Variants in PCDHGA3 observed in about 807,000 individuals in gnomAD.
The protein encoded by PCDHGA3 is protocadherin gamma subfamily A, 3, also known as protocadherin gamma-A3.
PCDHGA3 carries 40 observed loss-of-function variants against 58.5 expected under a neutral mutation model. That is an observed-to-expected ratio of 0.68 (90% confidence interval 0.53 to 0.89). PCDHGA3 has a LOEUF of 0.89. Ranked by LOEUF, PCDHGA3 falls within the 40% of genes least tolerant of loss-of-function variation. The pLI, the probability that PCDHGA3 is intolerant of heterozygous loss-of-function variation, is 0.00. For synonymous variants in PCDHGA3, 530 were observed against 525.7 expected (o/e 1.01, Z -0.11); for missense variants, 1,223 against 1,195.9 (o/e 1.02, Z -0.33).
chr5:141,356,553 T>C (rs987125260), intron 1 of PCDHGA3: 2 of 1,614,138 alleles, frequency 1.2e-6, no homozygotes, highest in Admixed American at 3.3e-5. Context: ...ACCCACCCAC[T>C]TTCCCTCATG....
At chr5:141,404,524 G>A (rs368795324) in intron 1 of PCDHGA3, 2 of 1,613,820 alleles carry the variant, frequency 1.2e-6, no homozygotes, top group African/African-American at 1.3e-5. Context: ...ACTATGAGCA[G>A]TTTAGAGATT....
At chr5:141,450,790 A>G (rs2098694056) in intron 1 of PCDHGA3, among the ~76,000 whole-genome samples, 1 of 148,832 alleles carries the variant, frequency 6.7e-6, no homozygotes, top group Admixed American at 6.7e-5. Context: ...CCCGGACCTC[A>G]TGATTGTATT....
intron 1 of PCDHGA3, chr5:141,417,532 TA>T (rs1457524771): frequency 6.7e-5 from 19 of 284,780 alleles, no homozygotes; most frequent in South Asian, 1.5e-4. Context: ...ACTCGTAGTT[TA>T]AAAAAAATTC....
At chr5:141,395,094 G>T (rs192995605) in intron 1 of PCDHGA3, 4 of 1,614,042 alleles carry the variant, frequency 2.5e-6, no homozygotes, top group Non-Finnish European at 3.4e-6. Flanking sequence ...CTCCCTCACC[G>T]CCGACTCGCG....
chr5:141,427,742 C>T, intron 1 of PCDHGA3: 2 of 1,247,208 alleles, frequency 1.6e-6, no homozygotes, highest in Non-Finnish European at 2.3e-6. Context: ...GCCAAGTCTC[C>T]TACTCCATCG....
rs992649031 is a variant in PCDHGA3 at position 141,387,128 on chromosome 5, G to C, written c.2424+40671G>C. On this transcript the variant is annotated intron_variant, in intron 1 of 3. Coordinates refer to ENST00000253812, the MANE Select transcript of PCDHGA3 (RefSeq NM_018916.4). ...ATAATATTCCTGTAATGAAATCACTGAAACTATTGGGAAGGGGGTGTATTT... is the reference window on the plus strand; with the variant it reads ...ATAATATTCCTGTAATGAAATCACTCAAACTATTGGGAAGGGGGTGTATTT... Among the ~76,000 whole-genome samples, 7 of 152,316 alleles carry C rather than the reference G, an allele frequency of 4.6e-5. No homozygotes were observed. The South Asian group carries it at 8.3e-4, about 18-fold the overall frequency.
At position 141,431,566 on chromosome 5, in the gene PCDHGA3, T is replaced by G; in HGVS notation, c.2425-63241T>G. ...TGCTTGTAGTCAACGCTACCGACCCTGACGAAGGAGTCAATGCGGAAGTGA... is the reference window on the plus strand; with the variant it reads ...TGCTTGTAGTCAACGCTACCGACCCGGACGAAGGAGTCAATGCGGAAGTGA... On this transcript the variant is annotated intron_variant, in intron 1 of 3. Transcript: ENST00000253812. This position sits in a 1 kb window ranked among gnomAD's most constrained non-coding sequence, Gnocchi z 4.8. 6.2e-7 allele frequency: 1 copy of G among 1,614,128 alleles called. No homozygotes were observed. The highest frequency in any genetic ancestry group is 1.1e-5 in the South Asian group (1 of 91,088).
chr5:141,506,115 T>C (rs1211973354), intron 3 of PCDHGA3, among the ~76,000 whole-genome samples: 1 of 152,062 alleles, frequency 6.6e-6, no homozygotes, highest in Admixed American at 6.5e-5. Context: ...GAAGAGTCAC[T>C]AGGGCCCAGA....
At chr5:141,357,746 GA>G in intron 1 of PCDHGA3, 1 of 1,173,014 alleles carries the variant, frequency 8.5e-7, no homozygotes, top group Admixed American at 2.8e-5. Context: ...TTGCTTTAAA[GA>G]AAACTGGTGG....
At chr5:141,360,957 C>A in intron 1 of PCDHGA3, 3 of 1,613,904 alleles carry the variant, frequency 1.9e-6, no homozygotes, top group South Asian at 2.2e-5. Flanking sequence ...AAGGCATAAA[C>A]GCAGAGATCA....
chr5:141,424,556 G>C (rs2096828013), intron 1 of PCDHGA3: 1 of 152,128 alleles, frequency 6.6e-6, no homozygotes, highest in South Asian at 2.1e-4. Context: ...TTGATTCAGT[G>C]CTTCTCAAAA....
In PCDHGA3 at chr5:141,344,599, C is replaced by G. The variant is rs779646542; in HGVS notation, c.566C>G (p.Ala189Gly). ...SLAVNSVSEGAKYPELVLERA... is the reference protein window; with the variant it reads ...SLAVNSVSEGGKYPELVLERA... ...GCTGTGAATAGCGTCTCTGAGGGGG[C>G]CAAGTATCCAGAGCTGGTGCTGGAG... Residue 189 changes from alanine to glycine, a missense_variant, in exon 1 of 4, where the codon GCC becomes GGC. Around this residue, in one of 3 missense-constraint regions of PCDHGA3, gnomAD observed 791 missense variants for 708.5 expected, o/e 1.12. Transcript: ENST00000253812. The G allele has an allele frequency of 6.2e-7, 1 of 1,613,944 alleles. No individual in the cohort carries two copies. The highest frequency in any genetic ancestry group is 8.5e-7 in the Non-Finnish European group (1 of 1,179,870).
rs186490614 is a variant in PCDHGA3 at position 141,415,986 on chromosome 5, T to A, written c.2424+69529T>A. 2.6e-4 allele frequency: 85 copies of A among 328,664 alleles called. 1 individual carries two copies. The highest frequency in any genetic ancestry group is 1.7e-3 in the African/African-American group (80 of 46,398). 20.4% of individuals were successfully genotyped at this position (328,664 alleles called of 1,614,324 possible). On this transcript the variant is annotated intron_variant, in intron 1 of 3. Transcript: ENST00000253812. ...CCAGCCCCTTAAGCAACCCTCTTGT[T>A]CTGAAGGCAGGTCTGGTAAGAATAG...
Position 141,384,414 on chromosome 5 carries a change from C to T in PCDHGA3, c.2424+37957C>T, listed in dbSNP as rs1159996307. 5 of 1,613,838 alleles carry T rather than the reference C, an allele frequency of 3.1e-6. No individual in the cohort carries two copies. In the East Asian group the frequency reaches 8.9e-5, roughly 29 times the overall value. ...AGGGGGCTCCAGTGTCCTCCTATGT[C>T]TCCATAAACTCTGACACTGGAGTCC... On this transcript the variant is annotated intron_variant, in intron 1 of 3. Coordinates refer to ENST00000253812, the MANE Select transcript of PCDHGA3 (RefSeq NM_018916.4).
chr5:141,355,399 G>C lies in PCDHGA3; in HGVS notation c.2424+8942G>C, dbSNP rs997655527. 1.9e-6 allele frequency: 3 copies of C among 1,613,968 alleles called. No individual in the cohort carries two copies. In the African/African-American group the frequency reaches 4.0e-5, roughly 22 times the overall value. On this transcript the variant is annotated intron_variant, in intron 1 of 3. Transcript: ENST00000253812. ...GCTGGCGGAGCGCGGAGTCCGCATC[G>C]TCTCCAGAGGTAGGACGCAGCTTTT... is the stretch of plus-strand genomic sequence containing the variant.
chr5:141,389,471 A>T (rs1425309295), intron 1 of PCDHGA3: 1 of 1,613,092 alleles, frequency 6.2e-7, no homozygotes, highest in Non-Finnish European at 8.5e-7. Flanking sequence ...TCGAACTCAC[A>T]CTGCAGGCCC....
intron 1 of PCDHGA3, chr5:141,357,786 T>C (rs779369943): frequency 5.2e-5 from 44 of 847,236 alleles, no homozygotes; most frequent in Non-Finnish European, 7.3e-5. Flanking sequence ...TCAACAGTAT[T>C]TACCACACAA....
At chr5:141,384,897 C>T in intron 1 of PCDHGA3, 4 of 1,613,922 alleles carry the variant, frequency 2.5e-6, no homozygotes, top group Non-Finnish European at 3.4e-6. Context: ...CTGTGGCTGA[C>T]AGCATCCCCG....
chr5:141,436,962 C>A (rs1462988296), intron 1 of PCDHGA3, among the ~76,000 whole-genome samples: 1 of 152,144 alleles, frequency 6.6e-6, no homozygotes, highest in Non-Finnish European at 1.5e-5. Context: ...AAACAAGGAT[C>A]TTGTGAAACT....
Sources: allele counts gnomAD v4.1 joint callset (sites outside exome capture counted in the v4.1 genomes callset), GRCh38; gene constraint gnomAD v4.1.1; regional missense constraint gnomAD v4.1.1; non-coding constraint Gnocchi (gnomAD v3.1); transcripts MANE v1.5; gene names NCBI Gene and HGNC (gene_info 2026-07-23, HGNC 2026-07-21).